CCDC171: variants seen among roughly 807,000 people sequenced by gnomAD.
The protein encoded by CCDC171 is coiled-coil domain containing 171, also known as coiled-coil domain-containing protein 171.
A neutral mutation model predicts 168.2 loss-of-function variants in CCDC171; 177 were observed. That is an observed-to-expected ratio of 1.05 (90% confidence interval 0.93 to 1.19). The LOEUF is 1.19. CCDC171 is among the 50% of genes most tolerant of loss of function. CCDC171 has a pLI of 0.00. For synonymous variants in CCDC171, 687 were observed against 540.8 expected (o/e 1.27, Z -3.75); for missense variants, 1,991 against 1,539.0 (o/e 1.29, Z -4.91).
At chr9:15,861,216 C>CTTT (rs1554652750) in intron 23 of CCDC171, among the ~76,000 whole-genome samples, 120 of 148,556 alleles carry the variant, frequency 8.1e-4, no homozygotes, top group African/African-American at 2.3e-3. Context: ...ATAGTTGGAT[C>CTTT]TTTTTTTTTT....
At chr9:15,961,223 C>T (rs1042645573) in intron 25 of CCDC171, among the ~76,000 whole-genome samples, 3 of 152,046 alleles carry the variant, frequency 2.0e-5, no homozygotes, top group African/African-American at 7.2e-5. Context: ...CATATTGCTA[C>T]GAGGTCTAAG....
the CCDC171 span, among the ~76,000 whole-genome samples, chr9:16,081,683 G>T: frequency 6.6e-6 from 1 of 152,088 alleles, no homozygotes; most frequent in Non-Finnish European, 1.5e-5. Flanking sequence ...TTGCACCTCT[G>T]TGGGTCTAAC....
intron 6 of CCDC171, among the ~76,000 whole-genome samples, chr9:15,611,207 A>G (rs1318410869): frequency 2.6e-5 from 4 of 152,140 alleles, no homozygotes; most frequent in Admixed American, 6.5e-5. Context: ...AGGCCTCCCC[A>G]GAAGCCAAGT....
intron 25 of CCDC171, among the ~76,000 whole-genome samples, chr9:15,965,613 C>G (rs2132705921): frequency 6.6e-6 from 1 of 152,296 alleles, no homozygotes; most frequent in Non-Finnish European, 1.5e-5. Flanking sequence ...AGCACAGTGC[C>G]TGACATAATG....
chr9:15,978,581 C>T (rs991351404), downstream of CCDC171, among the ~76,000 whole-genome samples: 3 of 152,126 alleles, frequency 2.0e-5, no homozygotes, highest in Non-Finnish European at 4.4e-5. Flanking sequence ...TGAAGTTAAT[C>T]AGAGTAGAAA....
chr9:15,865,529 A>G (rs535031256), intron 23 of CCDC171, among the ~76,000 whole-genome samples: 7 of 152,052 alleles, frequency 4.6e-5, no homozygotes, highest in Non-Finnish European at 1.0e-4. Context: ...TCTCCTCCTC[A>G]GCCTATTCAA....
At chr9:15,876,744 T>C (rs543709491) in intron 24 of CCDC171, among the ~76,000 whole-genome samples, 1 of 152,268 alleles carries the variant, frequency 6.6e-6, no homozygotes, top group African/African-American at 2.4e-5. Context: ...TTTCACCTTT[T>C]TTTTTGCAGT....
intron 18 of CCDC171, among the ~76,000 whole-genome samples, chr9:15,765,537 G>T (rs577605420): frequency 1.8e-4 from 27 of 152,206 alleles, no homozygotes; most frequent in African/African-American, 6.3e-4. Context: ...CAGGTAGGTT[G>T]GTAGATTTGG....
rs1362020526 is a variant in CCDC171 at position 15,663,701 on chromosome 9, A to G, written c.916-2462A>G. 3.4e-5 allele frequency among the ~76,000 whole-genome samples: 5 copies of G among 148,538 alleles called. No individual in the cohort carries two copies. The South Asian group carries it at 6.3e-4, about 19-fold the overall frequency. On this transcript the variant is annotated intron_variant, in intron 8 of 25. Coordinates refer to ENST00000380701, the MANE Select transcript of CCDC171 (RefSeq NM_173550.4). ...GCTCACTGCAAGCTCTGCCTCCCAG[A>G]TTCATGCCATTCTCCTGCCTCAGCC...
intron 1 of CCDC171, among the ~76,000 whole-genome samples, chr9:15,558,525 G>T (rs573101877): frequency 1.3e-5 from 2 of 152,158 alleles, no homozygotes; most frequent in Non-Finnish European, 2.9e-5. Flanking sequence ...TTGCGTAGTG[G>T]TGTTCATAGT....
At chr9:16,035,302 TA>T (rs759994134) in intron 6 of CCDC171, among the ~76,000 whole-genome samples, 5 of 152,240 alleles carry the variant, frequency 3.3e-5, no homozygotes, top group African/African-American at 1.2e-4. Context: ...TTATTAGATA[TA>T]AAAAACTAAC....
At chr9:15,663,016 CA>C (rs2048443337) in intron 8 of CCDC171, among the ~76,000 whole-genome samples, 3 of 148,554 alleles carry the variant, frequency 2.0e-5, no homozygotes, top group African/African-American at 7.4e-5. Flanking sequence ...ACAACAACAA[CA>C]ACAACAAATT....
chr9:16,018,570 C>G (rs1589330338), intron 3 of CCDC171, among the ~76,000 whole-genome samples: 1 of 152,118 alleles, frequency 6.6e-6, no homozygotes, highest in Non-Finnish European at 1.5e-5. Flanking sequence ...TAAACATAAT[C>G]AGTAATAAAT....
chr9:16,013,659 T>C (rs1231132676), intron 3 of CCDC171, among the ~76,000 whole-genome samples: 1 of 152,226 alleles, frequency 6.6e-6, no homozygotes, highest in African/African-American at 2.4e-5. Context: ...GCCTCGGAGA[T>C]ATTGTGGGTT....
intron 6 of CCDC171, among the ~76,000 whole-genome samples, chr9:15,599,048 A>G (rs1308802283): frequency 2.0e-5 from 3 of 152,088 alleles, no homozygotes; most frequent in South Asian, 2.1e-4. Context: ...GTGTCTCTGC[A>G]TGTGAGATGG....
intron 11 of CCDC171, among the ~76,000 whole-genome samples, chr9:15,708,781 C>T (rs1258258796): frequency 1.3e-5 from 2 of 152,046 alleles, no homozygotes. Flanking sequence ...GATGATACCA[C>T]CTAAGTTCAG....
At chr9:15,712,921 A>G (rs564926871) in intron 11 of CCDC171, among the ~76,000 whole-genome samples, 144 of 152,204 alleles carry the variant, frequency 9.5e-4, no homozygotes, top group Non-Finnish European at 1.6e-3. Context: ...ATTGGTTGAT[A>G]TCCATAGAAT....
chr9:15,693,509 G>C (rs2050980673), intron 10 of CCDC171, among the ~76,000 whole-genome samples: 1 of 151,876 alleles, frequency 6.6e-6, no homozygotes, highest in South Asian at 2.1e-4. Context: ...CCTTCATGGA[G>C]CTTAAATTCT....
chr9:15,845,047 G>T (rs879222117), intron 21 of CCDC171, among the ~76,000 whole-genome samples: 1 of 152,038 alleles, frequency 6.6e-6, no homozygotes, highest in African/African-American at 2.4e-5. Context: ...ACTGGTGTTG[G>T]ATCATTAGTT....
Sources: gnomAD v4.1 joint callset for allele counts (sites outside exome capture counted in the v4.1 genomes callset) on GRCh38, gnomAD v4.1.1 for gene constraint, MANE v1.5 for transcripts, NCBI Gene and HGNC (gene_info 2026-07-23, HGNC 2026-07-21) for gene names.